STAT1: variants seen among roughly 807,000 people sequenced by gnomAD.
STAT1 encodes signal transducer and activator of transcription 1.
STAT1 carries 24 observed loss-of-function variants against 111.7 expected under a neutral mutation model. The ratio of observed to expected loss-of-function variants is 0.21; its 90% CI spans 0.16 to 0.30. The LOEUF is 0.30. STAT1 is among the 10% of genes least tolerant of loss of function. STAT1 has a pLI of 1.00. For missense variants in STAT1, 351 were observed against 911.9 expected, an observed-to-expected ratio of 0.38 and a Z score of 7.92; for synonymous variants, 332 against 326.5, an observed-to-expected ratio of 1.02 and a Z score of -0.18.
At chr2:190,992,676 C>T in intron 10 of STAT1, 1 of 1,283,572 alleles carries the variant, frequency 7.8e-7, no homozygotes. Context: ...GACCAGAGTG[C>T]TCTGAATTTT....
rs900015374 is a variant in STAT1 at position 190,993,627 on chromosome 2, T to A, written c.944+1434A>T. 1.6e-5 allele frequency: 9 copies of A among 573,152 alleles called. No individual in the cohort carries two copies. The highest frequency in any genetic ancestry group is 4.4e-5 in the Admixed American group (2 of 45,066). 35.5% of individuals were successfully genotyped at this position (573,152 alleles called of 1,614,324 possible). A position where few individuals can be genotyped will look rare whatever the true frequency, so the allele number is the denominator to read the frequency against. ...TTGCTGCTACAGCTGCTGCCCTGAC[T>A]CTCTGCACCACGGGTAACTGAAGGA... On this transcript the variant is annotated intron_variant, in intron 10 of 24. Transcript: ENST00000361099. This position sits in a 1 kb window ranked among gnomAD's most constrained non-coding sequence, Gnocchi z 4.1.
At chr2:190,991,976 C>A (rs960174882) in intron 10 of STAT1, among the ~76,000 whole-genome samples, 1 of 152,190 alleles carries the variant, frequency 6.6e-6, no homozygotes, top group Non-Finnish European at 1.5e-5. Context: ...AAAAACCCAA[C>A]ATACAGGACT....
chr2:190,987,836 C>T lies in STAT1; in HGVS notation c.1098-768G>A, dbSNP rs1559012572. On this transcript the variant is annotated intron_variant, in intron 12 of 24. Coordinates refer to ENST00000361099, the MANE Select transcript of STAT1 (RefSeq NM_007315.4). This position sits in a 1 kb window ranked among gnomAD's most constrained non-coding sequence, Gnocchi z 4.0. ...CAATGCTTTTGTGAATGACAATCAC[C>T]ATTAGCTATGGAAGGGACCTATTTT... Among the ~76,000 whole-genome samples, 2 of 151,954 alleles carry T rather than the reference C, an allele frequency of 1.3e-5. No individual in the cohort carries two copies. Among genetic ancestry groups the T allele is most frequent in the Non-Finnish European group, 2.9e-5 (2 of 67,996 alleles).
chr2:190,982,643 T>C lies in STAT1; in HGVS notation c.1447-125A>G. ...ATATGACACACAGGTGCTTTCACAG[T>C]AGGGGAAGAGAAATACAGTCAATTT... On this transcript the variant is annotated intron_variant, in intron 17 of 24. Transcript: ENST00000361099. The surrounding 1 kb of genome is among the most constrained non-coding windows in gnomAD (Gnocchi z 7.3). 1 of 1,021,368 alleles carries C rather than the reference T, an allele frequency of 9.8e-7. No individual in the cohort carries two copies. The highest frequency in any genetic ancestry group is 2.0e-5 in the Admixed American group (1 of 50,350). The allele number at this position is 1,021,368 out of a possible 1,614,324, so 63.3% of individuals were successfully genotyped here. A position where few individuals can be genotyped will look rare whatever the true frequency, so the allele number is the denominator to read the frequency against.
In STAT1 at chr2:190,981,222, C is replaced by T. The variant is rs964213961; in HGVS notation, c.1583-553G>A. Among the ~76,000 whole-genome samples the T allele has an allele frequency of 6.6e-6, 1 of 152,188 alleles. No homozygotes were observed. Reference sequence around the variant, plus strand: ...AGAGCCCCCTCTCCCAAGGATCCTACAGAATTTTTTTCAAAGTTCAACCTA... The same window carrying T: ...AGAGCCCCCTCTCCCAAGGATCCTATAGAATTTTTTTCAAAGTTCAACCTA... On this transcript the variant is annotated intron_variant, in intron 18 of 24. Transcript: ENST00000361099. The surrounding 1 kb of genome is among the most constrained non-coding windows in gnomAD (Gnocchi z 4.1).
rs927949619 is a variant in STAT1 at position 190,996,251 on chromosome 2, TG to T, written c.786-1033del. 6.6e-6 allele frequency among the ~76,000 whole-genome samples: 1 copy of T among 152,220 alleles called. No homozygotes were observed. The highest frequency in any genetic ancestry group is 2.4e-5 in the African/African-American group (1 of 41,454). On this transcript the variant is annotated intron_variant, in intron 9 of 24. Transcript: ENST00000361099. This position sits in a 1 kb window ranked among gnomAD's most constrained non-coding sequence, Gnocchi z 4.5. ...ACAGCAACACAGGCTGGGGAAACGC[TG>T]TTTTATTCACTTGCAGTAATGACAG... is the stretch of plus-strand genomic sequence containing the variant.
rs575850212 is a variant in STAT1, at chr2:190,982,574, G to A, written c.1447-56C>T. 123 of 1,597,752 alleles carry A rather than the reference G, an allele frequency of 7.7e-5. 3 individuals carry two copies. In the South Asian group the frequency reaches 1.3e-3, roughly 17 times the overall value. On this transcript the variant is annotated intron_variant, in intron 17 of 24. Coordinates refer to ENST00000361099, the MANE Select transcript of STAT1 (RefSeq NM_007315.4). The surrounding 1 kb of genome is among the most constrained non-coding windows in gnomAD (Gnocchi z 7.3). ...TACTACAGAGACACCAGTCACAAGTGTGGCACTAAAACATATGTCCATCCC... is the reference window on the plus strand; with the variant it reads ...TACTACAGAGACACCAGTCACAAGTATGGCACTAAAACATATGTCCATCCC...
At position 191,000,190 on chromosome 2, in the gene STAT1, T is replaced by C. The variant is rs41427344; in HGVS notation, c.463-486A>G. Among the ~76,000 whole-genome samples the C allele has an allele frequency of 6.6e-6, 1 of 152,368 alleles. No individual in the cohort carries two copies. The highest frequency in any genetic ancestry group is 1.5e-5 in the Non-Finnish European group (1 of 68,028). ...TCTTGGCGGCTCAAATGCATCTCCA[T>C]CTGGACAATAAATTGTATGTTCATT... On this transcript the variant is annotated intron_variant, in intron 6 of 24. Transcript: ENST00000361099. The surrounding 1 kb of genome is among the most constrained non-coding windows in gnomAD (Gnocchi z 4.8).
In STAT1 at chr2:190,975,703, G is replaced by C. The variant is rs575057281; in HGVS notation, c.2135+109C>G. 1.3e-6 allele frequency: 2 copies of C among 1,551,472 alleles called. No homozygotes were observed. Among genetic ancestry groups the C allele is most frequent in the Non-Finnish European group, 1.7e-6 (2 of 1,149,102 alleles). On this transcript the variant is annotated intron_variant, in intron 23 of 24. Transcript: ENST00000361099. This position sits in a 1 kb window ranked among gnomAD's most constrained non-coding sequence, Gnocchi z 5.9. ...TCTCAACAAGTTCAGCTGTGATGGC[G>C]ATAGCAATTACAATGGAAAAGTAAA... is the stretch of plus-strand genomic sequence containing the variant.
chr2:190,979,997 G>C lies in STAT1; in HGVS notation c.1633-131C>G. ...AACTGTCCCATTCAGCACAGCAATG[G>C]GATCCCTCCCCTGGCAGGGAATATC... On this transcript the variant is annotated intron_variant, in intron 19 of 24. Transcript: ENST00000361099. The surrounding 1 kb of genome is among the most constrained non-coding windows in gnomAD (Gnocchi z 5.8). 1 of 693,210 alleles carries C rather than the reference G, an allele frequency of 1.4e-6. No homozygotes were observed. Among genetic ancestry groups the C allele is most frequent in the South Asian group, 1.6e-5 (1 of 64,464 alleles). The allele number at this position is 693,210 out of a possible 1,614,324, so 42.9% of individuals were successfully genotyped here. A position where few individuals can be genotyped will look rare whatever the true frequency, so the allele number is the denominator to read the frequency against.
chr2:190,992,786 ATTCT>A (rs1258108003), intron 10 of STAT1: 20 of 557,754 alleles, frequency 3.6e-5, no homozygotes, highest in East Asian at 2.3e-4. Flanking sequence ...CATTCATTGC[ATTCT>A]TTCTTTTTTT....
rs569488039 is a variant in STAT1, at chr2:190,983,986, G to A, written c.1348-246C>T. On this transcript the variant is annotated intron_variant, in intron 16 of 24. Coordinates refer to ENST00000361099, the MANE Select transcript of STAT1 (RefSeq NM_007315.4). The surrounding 1 kb of genome is among the most constrained non-coding windows in gnomAD (Gnocchi z 5.7). ...TAATTAATTAAGGGATATGCAATAT[G>A]AGAAGATGAAAACTGTCACAATGAA... Among the ~76,000 whole-genome samples, 4 of 152,170 alleles carry A rather than the reference G, an allele frequency of 2.6e-5. No individual in the cohort carries two copies. In the South Asian group the frequency reaches 6.2e-4, roughly 24 times the overall value.
rs1199684162 is a variant in STAT1, at chr2:190,984,408, G to A, written c.1264-15C>T. 6.2e-7 allele frequency: 1 copy of A among 1,604,276 alleles called. No homozygotes were observed. The highest frequency in any genetic ancestry group is 1.1e-5 in the South Asian group (1 of 90,800). The stretch of plus-strand genomic sequence containing the variant: ...ATGAGAGGACCCTTGGAAGAGAAAA[G>A]GAAAGAAGAAAAGAATATAATTATT... On this transcript the variant is annotated splice_polypyrimidine_tract_variant and intron_variant, in intron 15 of 24. Transcript: ENST00000361099. This position sits in a 1 kb window ranked among gnomAD's most constrained non-coding sequence, Gnocchi z 5.2.
chr2:190,997,947 T>C lies in STAT1; in HGVS notation c.694A>G (p.Ile232Val). The C allele has an allele frequency of 6.2e-7, 1 of 1,614,260 alleles. No homozygotes were observed. The highest frequency in any genetic ancestry group is 8.5e-7 in the Non-Finnish European group (1 of 1,180,058). ...NVTELTQNAL[I>V]NDELVEWKRR... Reference sequence around the variant, plus strand: ...TTCCACTCCACTAGTTCATCATTAATCAGGGCATTCTGGGTAAGTTCAGTG... The same window carrying C: ...TTCCACTCCACTAGTTCATCATTAACCAGGGCATTCTGGGTAAGTTCAGTG... The change falls in exon 9 of 25, where the codon ATT becomes GTT. Residue 232 changes from isoleucine to valine, a missense_variant. This residue lies in a region of STAT1 where 67 missense variants were observed against 158.9 expected (regional missense o/e 0.42). Transcript: ENST00000361099. This position sits in a 1 kb window ranked among gnomAD's most constrained non-coding sequence, Gnocchi z 7.3.
In STAT1 at chr2:190,975,732, C is replaced by G. The variant is rs1691858500; in HGVS notation, c.2135+80G>C. 1 of 1,584,202 alleles carries G rather than the reference C, an allele frequency of 6.3e-7. No homozygotes were observed. The highest frequency in any genetic ancestry group is 1.4e-5 in the African/African-American group (1 of 73,696). Reference sequence around the variant, plus strand: ...GCAATTACAATGGAAAAGTAAAATACAAGCATCTTCAACAGGCCCCAGCCA... The same window carrying G: ...GCAATTACAATGGAAAAGTAAAATAGAAGCATCTTCAACAGGCCCCAGCCA... On this transcript the variant is annotated intron_variant, in intron 23 of 24. Transcript: ENST00000361099. The surrounding 1 kb of genome is among the most constrained non-coding windows in gnomAD (Gnocchi z 5.9).
chr2:190,975,562 A>G lies in STAT1; in HGVS notation c.2135+250T>C. 1.4e-6 allele frequency: 2 copies of G among 1,379,370 alleles called. No homozygotes were observed. The highest frequency in any genetic ancestry group is 2.6e-4 in the Middle Eastern group (1 of 3,836). The allele number at this position is 1,379,370 out of a possible 1,614,324, so 85.4% of individuals were successfully genotyped here. On this transcript the variant is annotated intron_variant, in intron 23 of 24. Transcript: ENST00000361099. This position sits in a 1 kb window ranked among gnomAD's most constrained non-coding sequence, Gnocchi z 5.9. ...ATCAACTTTTGCTCATTTTATTTAT[A>G]CTTTTTCAAAGGGTATCAGTTTTGG...
rs531094231 is a variant in STAT1, at chr2:190,990,767, T to G, written c.1037+461A>C. On this transcript the variant is annotated intron_variant, in intron 11 of 24. Transcript: ENST00000361099. The surrounding 1 kb of genome is among the most constrained non-coding windows in gnomAD (Gnocchi z 5.1). ...GACACTAGGCCATTTACTGTGGTGG[T>G]CCACAGATATTTATATCACGGACTG... 9.2e-5 allele frequency among the ~76,000 whole-genome samples: 14 copies of G among 152,302 alleles called. No homozygotes were observed. The East Asian group carries it at 2.7e-3, about 29-fold the overall frequency.
At chr2:191,010,311 C>T in intron 2 of STAT1, 1 of 480,484 alleles carries the variant, frequency 2.1e-6, no homozygotes, top group South Asian at 1.6e-5. Flanking sequence ...GAAACATGCT[C>T]TCTCTTTTCC....
rs538867428 is a variant in STAT1 at position 191,012,982 on chromosome 2, A to G, written c.-2+543T>C. On this transcript the variant is annotated intron_variant, in intron 2 of 24. Transcript: ENST00000361099. This position sits in a 1 kb window ranked among gnomAD's most constrained non-coding sequence, Gnocchi z 4.0. Reference sequence around the variant, plus strand: ...GAGCATCGGTTCCAGTTTTCCTTGTAAAGCTCTGTGATGCCTCCAGAGTCC... The same window carrying G: ...GAGCATCGGTTCCAGTTTTCCTTGTGAAGCTCTGTGATGCCTCCAGAGTCC... Among the ~76,000 whole-genome samples the G allele has an allele frequency of 6.6e-6, 1 of 152,342 alleles. No homozygotes were observed. Among genetic ancestry groups the G allele is most frequent in the South Asian group, 2.1e-4 (1 of 4,824 alleles).
Sources: gnomAD v4.1 joint callset for allele counts (sites outside exome capture counted in the v4.1 genomes callset) on GRCh38, gnomAD v4.1.1 for gene constraint, gnomAD v4.1.1 regional missense constraint, Gnocchi (gnomAD v3.1) non-coding constraint, MANE v1.5 for transcripts, NCBI Gene and HGNC (gene_info 2026-07-23, HGNC 2026-07-21) for gene names.